Variants in CFHR1 observed in about 807,000 individuals in gnomAD.
CFHR1 encodes the protein complement factor H related 1.
A neutral mutation model predicts 30.4 loss-of-function variants in CFHR1; 22 were observed. That is an observed-to-expected ratio of 0.72 (90% CI 0.52 to 1.03). CFHR1 has a LOEUF of 1.03. Ranked by LOEUF, CFHR1 falls within the 50% of genes least tolerant of loss-of-function variation. The pLI is 0.00. For synonymous variants in CFHR1, 95 were observed against 129.1 expected (o/e 0.74, Z 1.79); for missense variants, 248 against 380.6 (o/e 0.65, Z 2.90).
chr1:196,827,267 A>T (rs865997503), intron 3 of CFHR1, among the ~76,000 whole-genome samples: 2 of 135,000 alleles, frequency 1.5e-5, no homozygotes, highest in African/African-American at 6.3e-5. Context: ...ACAATTCCAT[A>T]AGCTCATTCT....
chr1:196,823,388 G>A (rs1415399484), intron 1 of CFHR1, among the ~76,000 whole-genome samples: 3 of 134,632 alleles, frequency 2.2e-5, no homozygotes, highest in Non-Finnish European at 4.7e-5. Flanking sequence ...AGGTACAAAT[G>A]TATGAAAATA....
chr1:196,825,548 C>T lies in CFHR1; in HGVS notation c.130C>T (p.Gln44Ter), dbSNP rs146147352. ...YDEEKYKPFS[Q>*]VPTGEVFYYS... ...TGAAGAAAAATATAAGCCATTTTCCCAGGTTCCTACAGGGGAAGTTTTCTA... is the reference window on the plus strand; with the variant it reads ...TGAAGAAAAATATAAGCCATTTTCCTAGGTTCCTACAGGGGAAGTTTTCTA... Residue 44 changes from glutamine (Q) to a stop codon, truncating the protein, a stop_gained, in exon 2 of 6, where the codon CAG (glutamine) becomes TAG (stop). Transcript: ENST00000320493. LOFTEE classifies it high-confidence loss of function. 1.0e-4 allele frequency: 153 copies of T among 1,521,828 alleles called. 50 individuals carry two copies. The African/African-American group carries it at 2.2e-3, about 22-fold the overall frequency. The allele number at this position is 1,521,828 out of a possible 1,614,324, so 94.3% of individuals were successfully genotyped here. A position where few individuals can be genotyped will look rare whatever the true frequency, so the allele number is the denominator to read the frequency against.
rs181147722 is a variant in CFHR1 at position 196,823,209 on chromosome 1, T to G, written c.59-2268T>G. ...AAAAATTATTTTCTACTTTTGAAAT[T>G]GGTGGTTGTGTAAAGGAGGCTTGCA... On this transcript the variant is annotated intron_variant, in intron 1 of 5. Coordinates refer to ENST00000320493, the MANE Select transcript of CFHR1 (RefSeq NM_002113.3). Among the ~76,000 whole-genome samples the G allele has an allele frequency of 1.0e-3, 138 of 133,634 alleles. 22 individuals carry two copies. The East Asian group carries it at 0.023, about 22-fold the overall frequency. The allele number at this position is 133,634 out of a possible 152,430, so 87.7% of individuals were successfully genotyped here.
chr1:196,830,759 TCA>T, intron 5 of CFHR1, 77 bp downstream of exon 5: 1 of 1,464,086 alleles, frequency 6.8e-7, no homozygotes, highest in Non-Finnish European at 9.3e-7. Context: ...AACAAAATAA[TCA>T]CAGATTATTG....
intron 4 of CFHR1, 64 bp from the exon 5 acceptor site, chr1:196,830,436 T>C: frequency 1.4e-6 from 2 of 1,468,278 alleles, no homozygotes; most frequent in Non-Finnish European, 1.9e-6. Context: ...TGTATTTGCC[T>C]TATTTGAACT....
intron 1 of CFHR1, among the ~76,000 whole-genome samples, chr1:196,824,891 A>G (rs1655267013): frequency 8.0e-6 from 1 of 125,278 alleles, no homozygotes; most frequent in African/African-American, 3.6e-5. Context: ...ATCTTGATTG[A>G]GTTGTTCTTA....
rs1399609493 is a variant in CFHR1 at position 196,826,200 on chromosome 1, G to A, written c.253+529G>A. Among the ~76,000 whole-genome samples the A allele has an allele frequency of 2.2e-5, 3 of 134,388 alleles. 1 individual carries two copies. The highest frequency in any genetic ancestry group is 4.7e-5 in the Non-Finnish European group (3 of 64,148). The allele number at this position is 134,388 out of a possible 152,430, so 88.2% of individuals were successfully genotyped here. A position where few individuals can be genotyped will look rare whatever the true frequency, so the allele number is the denominator to read the frequency against. On this transcript the variant is annotated intron_variant, in intron 2 of 5. Coordinates refer to ENST00000320493, the MANE Select transcript of CFHR1 (RefSeq NM_002113.3). Reference sequence around the variant, plus strand: ...AAAAATTGGGAGACAGATACATGAGGCAACAAAGGAGATAGCAATGATCTT... The same window carrying A: ...AAAAATTGGGAGACAGATACATGAGACAACAAAGGAGATAGCAATGATCTT...
intron 3 of CFHR1, 111 bp downstream of exon 3, chr1:196,827,116 C>A (rs1347854337): frequency 3.5e-6 from 4 of 1,147,002 alleles, no homozygotes; most frequent in East Asian, 4.9e-5. Flanking sequence ...TATCTTTATT[C>A]ATTTGATTTT....
chr1:196,827,153 T>C (rs1655361195), intron 3 of CFHR1, 148 bp downstream of exon 3: 1 of 925,432 alleles, frequency 1.1e-6, no homozygotes, highest in East Asian at 2.6e-5. Flanking sequence ...CAAGTGGATG[T>C]TGAATAACAT....
chr1:196,821,031 G>C (rs1558212452), intron 1 of CFHR1: 1 of 138,480 alleles, frequency 7.2e-6, no homozygotes, highest in Non-Finnish European at 1.5e-5. Context: ...TAGAGATGGG[G>C]TTTCTCCATG....
Position 196,827,037 on chromosome 1 carries a change from T to C in CFHR1, c.430+32T>C. On this transcript the variant is annotated intron_variant, in intron 3 of 5. Coordinates refer to ENST00000320493, the MANE Select transcript of CFHR1 (RefSeq NM_002113.3). Reference sequence around the variant, plus strand: ...ACAATGCTGTTCTCTCATATGCTGTTATCTATTATAAAGTTTGAGAGAAAT... The same window carrying C: ...ACAATGCTGTTCTCTCATATGCTGTCATCTATTATAAAGTTTGAGAGAAAT... 2 of 1,496,746 alleles carry C rather than the reference T, an allele frequency of 1.3e-6. 1 individual carries two copies. The highest frequency in any genetic ancestry group is 1.8e-6 in the Non-Finnish European group (2 of 1,103,732). The allele number at this position is 1,496,746 out of a possible 1,614,324, so 92.7% of individuals were successfully genotyped here.
At position 196,831,906 on chromosome 1, in the gene CFHR1, T is replaced by C; in HGVS notation, c.900T>C (p.Cys300=). 1 of 1,525,518 alleles carries C rather than the reference T, an allele frequency of 6.6e-7. No homozygotes were observed. The highest frequency in any genetic ancestry group is 8.9e-7 in the Non-Finnish European group (1 of 1,129,362). 94.5% of individuals were successfully genotyped at this position (1,525,518 alleles called of 1,614,324 possible). A position where few individuals can be genotyped will look rare whatever the true frequency, so the allele number is the denominator to read the frequency against. The part of the protein sequence containing the change: ...LRTGESAEFV[C]KRGYRLSSRS... ...CAGGTGAATCAGCTGAATTTGTGTG[T>C]AAACGGGGATATCGTCTTTCATCAC... Residue 300 remains cysteine, a synonymous_variant, in exon 6 of 6, where the codon TGT becomes TGC. Transcript: ENST00000320493.
At chr1:196,821,920 C>A (rs1262060802) in intron 1 of CFHR1, among the ~76,000 whole-genome samples, 1 of 117,460 alleles carries the variant, frequency 8.5e-6, no homozygotes, top group East Asian at 2.1e-4. Context: ...TATAGCCTGT[C>A]GCTCCTAGGC....
At chr1:196,827,116 CATTT>C in intron 3 of CFHR1, 111 bp downstream of exon 3, 1 of 1,147,122 alleles carries the variant, frequency 8.7e-7, no homozygotes, top group Non-Finnish European at 1.2e-6. Flanking sequence ...TATCTTTATT[CATTT>C]GATTTTCAGT....
At position 196,826,363 on chromosome 1, in the gene CFHR1, TA is replaced by T. The variant is rs1208726482; in HGVS notation, c.254-465del. Among the ~76,000 whole-genome samples the T allele has an allele frequency of 2.2e-5, 3 of 135,868 alleles. 1 individual carries two copies. Among genetic ancestry groups the T allele is most frequent in the Non-Finnish European group, 4.7e-5 (3 of 64,458 alleles). 89.1% of individuals were successfully genotyped at this position (135,868 alleles called of 152,430 possible). A position where few individuals can be genotyped will look rare whatever the true frequency, so the allele number is the denominator to read the frequency against. On this transcript the variant is annotated intron_variant, in intron 2 of 5. Transcript: ENST00000320493. ...AGAAAATGAAATATTTTCTTCTATA[TA>T]TACATATAAAAGAACCAAAAATATG...
intron 4 of CFHR1, among the ~76,000 whole-genome samples, chr1:196,829,695 C>T (rs1325733794): frequency 7.4e-6 from 1 of 134,964 alleles, no homozygotes; most frequent in Non-Finnish European, 1.6e-5. Context: ...CAAGGAAAAG[C>T]ATAGTTTTTG....
chr1:196,827,128 A>C lies in CFHR1; in HGVS notation c.430+123A>C, dbSNP rs1027188097. On this transcript the variant is annotated intron_variant, in intron 3 of 5. Coordinates refer to ENST00000320493, the MANE Select transcript of CFHR1 (RefSeq NM_002113.3). The stretch of plus-strand genomic sequence containing the variant: ...TTTTATCTTTATTCATTTGATTTTC[A>C]GTTCCAATTGTGTCCAAGTGGATGT... The C allele has an allele frequency of 3.1e-5, 34 of 1,082,252 alleles. 4 individuals carry two copies. The highest frequency in any genetic ancestry group is 3.6e-5 in the Non-Finnish European group (27 of 758,418). 67.0% of individuals were successfully genotyped at this position (1,082,252 alleles called of 1,614,324 possible).
At chr1:196,828,715 A>T (rs436234) in intron 4 of CFHR1, among the ~76,000 whole-genome samples, 61,985 of 131,404 alleles carry the variant, frequency 0.47, 20,741 homozygotes, top group African/African-American at 0.58. Flanking sequence ...CATTCTAATA[A>T]ATAGAGATGG....
At chr1:196,825,012 A>G (rs1573147795) in intron 1 of CFHR1, among the ~76,000 whole-genome samples, 1 of 130,168 alleles carries the variant, frequency 7.7e-6, no homozygotes, top group Non-Finnish European at 1.6e-5. Flanking sequence ...CATATCCAAC[A>G]TCTTTACTGC....
Sources: gnomAD v4.1 joint callset for allele counts (sites outside exome capture counted in the v4.1 genomes callset) on GRCh38, gnomAD v4.1.1 for gene constraint, MANE v1.5 for transcripts, NCBI Gene and HGNC (gene_info 2026-07-23, HGNC 2026-07-21) for gene names.